Variants in GPHN observed in about 807,000 individuals in gnomAD.
GPHN encodes the protein gephyrin.
In GPHN, 17 loss-of-function variants were observed where a neutral mutation model predicts 95.5. That is an observed-to-expected ratio of 0.18 (90% CI 0.12 to 0.27). The LOEUF (loss-of-function observed/expected upper bound fraction) is 0.27. Ranked by LOEUF, GPHN falls within the 10% of genes least tolerant of loss-of-function variation. The pLI, the probability that GPHN is intolerant of heterozygous loss-of-function variation, is 1.00. For missense variants in GPHN, 660 were observed against 978.1 expected, an observed-to-expected ratio of 0.67 and a Z score of 4.34; for synonymous variants, 320 against 322.5, an observed-to-expected ratio of 0.99 and a Z score of 0.08.
At chr14:66,598,154 A>G (rs1325850141) in intron 1 of GPHN, among the ~76,000 whole-genome samples, 2 of 152,192 alleles carry the variant, frequency 1.3e-5, no homozygotes, top group Non-Finnish European at 2.9e-5. Context: ...GATGTTGGTT[A>G]AAAGACAGAA....
chr14:67,325,984 T>TTC, the GPHN span, among the ~76,000 whole-genome samples: 2 of 145,096 alleles, frequency 1.4e-5, no homozygotes, highest in African/African-American at 5.2e-5. Context: ...CTTTTCTTTT[T>TTC]TTTTTTTTTT....
chr14:66,706,680 T>C lies in GPHN; in HGVS notation c.143+25495T>C, dbSNP rs368467393. Among the ~76,000 whole-genome samples the C allele has an allele frequency of 3.3e-5, 5 of 152,280 alleles. No individual in the cohort carries two copies. The South Asian group carries it at 1.0e-3, about 32-fold the overall frequency. On this transcript the variant is annotated intron_variant, in intron 2 of 22. Coordinates refer to ENST00000478722, the MANE Select transcript of GPHN (RefSeq NM_020806.5). The stretch of plus-strand genomic sequence containing the variant: ...AATTAACTCAAGATGTGTTAAAGAC[T>C]TAAATGTAAAACCCAAAACTATAAA...
intron 2 of GPHN, among the ~76,000 whole-genome samples, chr14:66,715,959 A>C (rs2070138530): frequency 6.6e-6 from 1 of 152,012 alleles, no homozygotes; most frequent in South Asian, 2.1e-4. Context: ...TGTATTCTGC[A>C]GTTGTAGAAT....
intron 2 of GPHN, among the ~76,000 whole-genome samples, chr14:66,686,683 A>G (rs181013431): frequency 1.5e-3 from 234 of 152,336 alleles, no homozygotes; most frequent in African/African-American, 1.9e-3. Context: ...ATACACAATC[A>G]TGTCATGTGC....
At chr14:67,016,147 T>C (rs2153620824) in intron 9 of GPHN, among the ~76,000 whole-genome samples, 1 of 152,254 alleles carries the variant, frequency 6.6e-6, no homozygotes, top group South Asian at 2.1e-4. Flanking sequence ...AAAAGGAGGC[T>C]TGGAAATTAT....
Position 67,113,594 on chromosome 14 carries a change from T to C in GPHN, c.1626+423T>C, listed in dbSNP as rs559986811. On this transcript the variant is annotated intron_variant, in intron 16 of 22. Transcript: ENST00000478722. ...GAAGTATCAATGAATCAGGACATCA[T>C]GGCTAGCACTTCTTGTGAAAAGTTC... is the stretch of plus-strand genomic sequence containing the variant. Among the ~76,000 whole-genome samples, 4 of 152,290 alleles carry C rather than the reference T, an allele frequency of 2.6e-5. No homozygotes were observed. In the East Asian group the frequency reaches 7.7e-4, roughly 29 times the overall value.
the GPHN span, among the ~76,000 whole-genome samples, chr14:67,408,472 A>G: frequency 6.6e-6 from 1 of 152,270 alleles, no homozygotes; most frequent in South Asian, 2.1e-4. Flanking sequence ...ATTTGAAAAT[A>G]GGGTCTTTGC....
At chr14:67,380,710 A>G in the GPHN span, 1 of 1,587,032 alleles carries the variant, frequency 6.3e-7, no homozygotes, top group South Asian at 1.2e-5. Flanking sequence ...AACGGGAAGT[A>G]CTCATTAATA....
intron 2 of GPHN, among the ~76,000 whole-genome samples, chr14:66,773,095 C>T (rs933070465): frequency 2.9e-4 from 44 of 152,242 alleles, no homozygotes; most frequent in African/African-American, 8.2e-4. Flanking sequence ...AGAAGACTGC[C>T]GCTGTGCAGA....
At chr14:67,273,353 A>G in the GPHN span, among the ~76,000 whole-genome samples, 10 of 147,774 alleles carry the variant, frequency 6.8e-5, no homozygotes, top group Non-Finnish European at 1.3e-4. Context: ...ATTCCCACCT[A>G]TGAGTGAGAA....
At chr14:66,895,695 A>G (rs569693086) in intron 5 of GPHN, among the ~76,000 whole-genome samples, 16 of 152,282 alleles carry the variant, frequency 1.1e-4, no homozygotes, top group African/African-American at 3.6e-4. Flanking sequence ...GGAGGATGAA[A>G]TGTCATTTTC....
intron 4 of GPHN, among the ~76,000 whole-genome samples, chr14:66,847,423 C>T (rs1313086466): frequency 2.0e-5 from 3 of 151,922 alleles, no homozygotes; most frequent in Non-Finnish European, 4.4e-5. Flanking sequence ...AATAAATATA[C>T]TTTTTCTTAT....
intron 1 of GPHN, among the ~76,000 whole-genome samples, chr14:66,601,608 T>C (rs1356688066): frequency 6.6e-6 from 1 of 151,922 alleles, no homozygotes; most frequent in Non-Finnish European, 1.5e-5. Context: ...GCACCATTAA[T>C]TGGAAGTCTT....
chr14:67,589,730 C>T, the GPHN span: 1 of 1,011,148 alleles, frequency 9.9e-7, no homozygotes, highest in Non-Finnish European at 1.2e-6. Context: ...CATCTGATGT[C>T]AGTTTCCCAT....
chr14:67,317,275 C>T, the GPHN span: 1 of 711,016 alleles, frequency 1.4e-6, no homozygotes, highest in South Asian at 2.1e-5. Flanking sequence ...CAAGCGTGGC[C>T]AACATATGGA....
chr14:66,845,460 G>GT (rs560608435), intron 4 of GPHN, among the ~76,000 whole-genome samples: 126 of 152,236 alleles, frequency 8.3e-4, no homozygotes, highest in African/African-American at 2.6e-3. Flanking sequence ...GATCTTGGAT[G>GT]ATTGTAAGAA....
At chr14:67,666,080 G>A in the GPHN span, among the ~76,000 whole-genome samples, 14 of 152,304 alleles carry the variant, frequency 9.2e-5, no homozygotes, top group South Asian at 2.7e-3. Context: ...CATCATCACT[G>A]CTCTGAGTCA....
intron 1 of GPHN, among the ~76,000 whole-genome samples, chr14:66,547,728 A>G (rs756247277): frequency 3.9e-5 from 6 of 152,320 alleles, no homozygotes; most frequent in Non-Finnish European, 7.4e-5. Context: ...AGACAAGGAA[A>G]CAGGACAACA....
intron 10 of GPHN, among the ~76,000 whole-genome samples, chr14:67,040,577 C>A (rs1387794489): frequency 6.6e-6 from 1 of 152,120 alleles, no homozygotes; most frequent in Non-Finnish European, 1.5e-5. Flanking sequence ...GGGATTCAAT[C>A]CAGAATCATG....
Sources: allele counts gnomAD v4.1 joint callset (sites outside exome capture counted in the v4.1 genomes callset), GRCh38; gene constraint gnomAD v4.1.1; transcripts MANE v1.5; gene names NCBI Gene and HGNC (gene_info 2026-07-23, HGNC 2026-07-21).